TBX15: variants seen among roughly 807,000 people sequenced by gnomAD.
The protein encoded by TBX15 is T-box transcription factor 15.
TBX15 carries 18 observed loss-of-function variants against 53.9 expected under a neutral mutation model. That is an observed-to-expected ratio of 0.33 (90% CI 0.23 to 0.49). The LOEUF is 0.49. Ranked by LOEUF, TBX15 falls within the 20% of genes least tolerant of loss-of-function variation. The probability of loss-of-function intolerance (pLI) is 0.98; values close to 1 mark genes in which losing one functional copy is unlikely to be tolerated. For synonymous variants in TBX15, 295 were observed against 278.0 expected, an observed-to-expected ratio of 1.06 and a Z score of -0.61; for missense variants, 692 against 749.5, an observed-to-expected ratio of 0.92 and a Z score of 0.90.
intron 1 of TBX15, among the ~76,000 whole-genome samples, chr1:118,933,667 A>G (rs1571186935): frequency 6.6e-6 from 1 of 152,134 alleles, no homozygotes; most frequent in Non-Finnish European, 1.5e-5. Context: ...GAGCCATTAT[A>G]TCATCACACA....
chr1:118,932,134 T>A (rs983051603), intron 1 of TBX15, among the ~76,000 whole-genome samples: 2 of 152,172 alleles, frequency 1.3e-5, no homozygotes, highest in Non-Finnish European at 2.9e-5. Context: ...AGTACTAATG[T>A]CACCATGTTG....
At chr1:118,890,919 T>C in intron 7 of TBX15, 1 of 1,304,278 alleles carries the variant, frequency 7.7e-7, no homozygotes, top group Non-Finnish European at 1.0e-6. Flanking sequence ...CATCTGTCTC[T>C]GAGGAGTGCT....
intron 1 of TBX15, among the ~76,000 whole-genome samples, chr1:118,981,844 G>C (rs539728930): frequency 6.6e-6 from 1 of 152,320 alleles, no homozygotes; most frequent in East Asian, 1.9e-4. Context: ...TCCCAGTGCA[G>C]ACCCCTGAGT....
intron 1 of TBX15, among the ~76,000 whole-genome samples, chr1:118,961,044 C>T (rs1033874362): frequency 2.0e-5 from 3 of 152,256 alleles, no homozygotes; most frequent in Admixed American, 2.0e-4. Flanking sequence ...GCTATAGGAA[C>T]TGCAGGAGAG....
intron 2 of TBX15, among the ~76,000 whole-genome samples, chr1:118,929,064 A>G (rs571472367): frequency 6.6e-6 from 1 of 152,372 alleles, no homozygotes; most frequent in East Asian, 1.9e-4. Flanking sequence ...TTTTACAAAA[A>G]GAGATGTGTT....
At chr1:118,978,643 GATATA>G (rs1657519843) in intron 1 of TBX15, among the ~76,000 whole-genome samples, 1 of 152,090 alleles carries the variant, frequency 6.6e-6, no homozygotes, top group Non-Finnish European at 1.5e-5. Flanking sequence ...TAAAAATATG[GATATA>G]ATACAGAACA....
intron 1 of TBX15, among the ~76,000 whole-genome samples, chr1:118,979,207 C>CTT (rs141147792): frequency 1.5e-4 from 23 of 151,150 alleles, no homozygotes; most frequent in East Asian, 9.7e-4. Context: ...CTTTTTCTTT[C>CTT]TTTTTTTTTA....
At chr1:118,950,035 T>A (rs560444751) in intron 1 of TBX15, among the ~76,000 whole-genome samples, 1 of 152,338 alleles carries the variant, frequency 6.6e-6, no homozygotes, top group East Asian at 1.9e-4. Context: ...AATCTCCTAC[T>A]ATCTGGCTTG....
At chr1:118,947,329 T>C (rs1179395988) in intron 1 of TBX15, among the ~76,000 whole-genome samples, 1 of 152,262 alleles carries the variant, frequency 6.6e-6, no homozygotes, top group Non-Finnish European at 1.5e-5. Context: ...CTGAAGACTC[T>C]GCTGTCATTA....
chr1:118,944,770 G>A (rs774275981), intron 1 of TBX15, among the ~76,000 whole-genome samples: 2 of 152,186 alleles, frequency 1.3e-5, no homozygotes, highest in Non-Finnish European at 2.9e-5. Context: ...CCACAGTGGT[G>A]CCAGTTCAGC....
At chr1:118,935,104 A>C (rs1255509186) in intron 1 of TBX15, among the ~76,000 whole-genome samples, 1 of 152,226 alleles carries the variant, frequency 6.6e-6, no homozygotes, top group Non-Finnish European at 1.5e-5. Context: ...GCAACCCTAC[A>C]AAACCCTTAA....
chr1:118,927,023 C>T (rs1655623510), intron 2 of TBX15, among the ~76,000 whole-genome samples: 1 of 152,108 alleles, frequency 6.6e-6, no homozygotes, highest in South Asian at 2.1e-4. Context: ...TGCACCCAGC[C>T]TAAACAACGT....
At chr1:118,902,321 G>A (rs1381246107) in intron 6 of TBX15, among the ~76,000 whole-genome samples, 1 of 152,050 alleles carries the variant, frequency 6.6e-6, no homozygotes, top group African/African-American at 2.4e-5. Flanking sequence ...TTGGTGTAGT[G>A]CCATGGCAAG....
At chr1:118,922,157 C>G (rs1363065730) in intron 5 of TBX15, among the ~76,000 whole-genome samples, 4 of 152,134 alleles carry the variant, frequency 2.6e-5, no homozygotes, top group African/African-American at 7.2e-5. Flanking sequence ...GTTAAACAGG[C>G]AAAAGCTGTC....
chr1:118,984,676 T>C (rs759830411), intron 1 of TBX15, among the ~76,000 whole-genome samples: 4 of 152,228 alleles, frequency 2.6e-5, no homozygotes, highest in Non-Finnish European at 5.9e-5. Context: ...TCCAAAAGAC[T>C]GAGAGTGCCG....
chr1:118,936,913 A>G (rs1655989804), intron 1 of TBX15, among the ~76,000 whole-genome samples: 1 of 152,182 alleles, frequency 6.6e-6, no homozygotes, highest in African/African-American at 2.4e-5. Flanking sequence ...GTTACATATT[A>G]ATGGACCAAG....
intron 1 of TBX15, among the ~76,000 whole-genome samples, chr1:118,937,371 G>A (rs561474532): frequency 5.1e-4 from 77 of 152,242 alleles, no homozygotes; most frequent in Middle Eastern, 3.4e-3. Flanking sequence ...GGGACATCAG[G>A]GAACAAACAA....
At chr1:118,907,011 T>C (rs535161291) in intron 6 of TBX15, among the ~76,000 whole-genome samples, 4 of 152,330 alleles carry the variant, frequency 2.6e-5, no homozygotes, top group East Asian at 1.9e-4. Flanking sequence ...TTCTAAGTTA[T>C]AGAATTTGAG....
chr1:118,927,251 A>G (rs1557887306), intron 2 of TBX15, among the ~76,000 whole-genome samples: 1 of 152,202 alleles, frequency 6.6e-6, no homozygotes. Context: ...TAGTTGTGAT[A>G]TAAATGTATG....
Sources: gnomAD v4.1 joint callset for allele counts (sites outside exome capture counted in the v4.1 genomes callset) on GRCh38, gnomAD v4.1.1 for gene constraint, MANE v1.5 for transcripts, NCBI Gene and HGNC (gene_info 2026-07-23, HGNC 2026-07-21) for gene names.